Variants in TPP2 observed in about 807,000 individuals in gnomAD.
TPP2 encodes the protein tripeptidyl peptidase 2.
A neutral mutation model predicts 155.9 loss-of-function variants in TPP2; 34 were observed. The ratio of observed to expected loss-of-function variants is 0.22; its 90% CI spans 0.17 to 0.29. The LOEUF (loss-of-function observed/expected upper bound fraction) is 0.29. TPP2 is among the 10% of genes least tolerant of loss of function. The probability of loss-of-function intolerance (pLI) is 1.00; values close to 1 mark genes in which losing one functional copy is unlikely to be tolerated. For missense variants in TPP2, 1,028 were observed against 1,522.3 expected, an observed-to-expected ratio of 0.68 and a Z score of 5.40; for synonymous variants, 510 against 529.4, an observed-to-expected ratio of 0.96 and a Z score of 0.50.
chr13:102,649,600 GA>G, intron 23 of TPP2, 114 bp downstream of exon 23: 2 of 883,554 alleles, frequency 2.3e-6, no homozygotes, highest in South Asian at 2.3e-5. Flanking sequence ...TACTCTTGGG[GA>G]AAAAAATTTA....
chr13:102,622,056 C>T (rs1225691367), intron 5 of TPP2, among the ~76,000 whole-genome samples: 1 of 152,132 alleles, frequency 6.6e-6, no homozygotes, highest in Non-Finnish European at 1.5e-5. Context: ...TTTTAAGAAT[C>T]CTTTTTTCCA....
intron 27 of TPP2, among the ~76,000 whole-genome samples, chr13:102,673,680 C>CAAA (rs1885124656): frequency 6.6e-6 from 1 of 152,234 alleles, no homozygotes; most frequent in African/African-American, 2.4e-5. Context: ...GGATCTGCCA[C>CAAA]TTCCTAACTG....
Position 102,678,326 on chromosome 13 carries a change from CAA to C in TPP2, c.*11_*12del, listed in dbSNP as rs1468331255. 6.2e-7 allele frequency: 1 copy of C among 1,601,652 alleles called. No homozygotes were observed. The highest frequency in any genetic ancestry group is 8.5e-7 in the Non-Finnish European group (1 of 1,176,738). ...TTATTGCGTATTCTAAAATAGGAAA[CAA>C]GACTTTAAATTTTAAAAAAGGAAGT... On this transcript the variant is annotated 3_prime_UTR_variant, in exon 30 of 30. Transcript: ENST00000376052.
At chr13:102,622,307 A>G (rs371423419) in intron 5 of TPP2, among the ~76,000 whole-genome samples, 11 of 152,242 alleles carry the variant, frequency 7.2e-5, no homozygotes, top group Non-Finnish European at 5.9e-5. Flanking sequence ...TAATCAGGCT[A>G]TCTTCTAAAG....
chr13:102,669,023 G>A lies in TPP2; in HGVS notation c.3371+4098G>A, dbSNP rs573269646. Among the ~76,000 whole-genome samples the A allele has an allele frequency of 2.6e-5, 4 of 152,196 alleles. No homozygotes were observed. The East Asian group carries it at 7.7e-4, about 29-fold the overall frequency. On this transcript the variant is annotated intron_variant, in intron 27 of 29. Coordinates refer to ENST00000376052, the MANE Select transcript of TPP2 (RefSeq NM_001330588.2). ...TCGTGCTGGAATCCAAAGAGGACCT[G>A]AGGGGGTGTGAACACAAGCATGTCT...
At chr13:102,660,532 G>T in intron 25 of TPP2, among the ~76,000 whole-genome samples, 1 of 152,254 alleles carries the variant, frequency 6.6e-6, no homozygotes, top group South Asian at 2.1e-4. Flanking sequence ...CTTTGTCTGT[G>T]GACCAGAAGA....
At chr13:102,639,097 T>A (rs1284736723) in intron 15 of TPP2, among the ~76,000 whole-genome samples, 1 of 152,242 alleles carries the variant, frequency 6.6e-6, no homozygotes, top group African/African-American at 2.4e-5. Context: ...TCTTTCTGCT[T>A]CGTGGCACAT....
chr13:102,646,454 A>AT, intron 20 of TPP2, 64 bp downstream of exon 20: 8 of 1,300,330 alleles, frequency 6.2e-6, no homozygotes, highest in Non-Finnish European at 8.6e-6. Context: ...TATGATTCAT[A>AT]GAATCAAAAA....
At position 102,678,588 on chromosome 13, in the gene TPP2, G is replaced by T. The variant is rs1317929919; in HGVS notation, c.*272G>T. 1 of 308,086 alleles carries T rather than the reference G, an allele frequency of 3.2e-6. No homozygotes were observed. The highest frequency in any genetic ancestry group is 2.1e-5 in the African/African-American group (1 of 46,760). The allele number at this position is 308,086 out of a possible 1,614,324, so 19.1% of individuals were successfully genotyped here. A position where few individuals can be genotyped will look rare whatever the true frequency, so the allele number is the denominator to read the frequency against. Reference sequence around the variant, plus strand: ...AGCACCTAGGACTTCGAGTTGGGTTGCAGCTTATGACATGCATGATAGGTT... The same window carrying T: ...AGCACCTAGGACTTCGAGTTGGGTTTCAGCTTATGACATGCATGATAGGTT... On this transcript the variant is annotated 3_prime_UTR_variant, in exon 30 of 30. Transcript: ENST00000376052.
At chr13:102,607,796 G>A (rs1282185371) in intron 2 of TPP2, 2 of 300,254 alleles carry the variant, frequency 6.7e-6, no homozygotes, top group Non-Finnish European at 1.4e-5. Flanking sequence ...TTGCCATGTT[G>A]GCCAGGCTGG....
chr13:102,656,008 G>A (rs1883837992), intron 24 of TPP2, among the ~76,000 whole-genome samples: 2 of 152,048 alleles, frequency 1.3e-5, no homozygotes. Flanking sequence ...TACCTTTAAA[G>A]AAGATCTCAA....
intron 27 of TPP2, among the ~76,000 whole-genome samples, chr13:102,669,748 T>C (rs531115677): frequency 3.9e-5 from 6 of 152,186 alleles, no homozygotes; most frequent in Non-Finnish European, 7.4e-5. Flanking sequence ...TTGATGCGAA[T>C]GGGTGGCTTG....
At chr13:102,668,650 C>T (rs895986952) in intron 27 of TPP2, among the ~76,000 whole-genome samples, 1 of 152,042 alleles carries the variant, frequency 6.6e-6, no homozygotes, top group African/African-American at 2.4e-5. Flanking sequence ...TGGTGTCTGC[C>T]CAGGTAACAG....
chr13:102,645,910 T>C (rs898935562), intron 19 of TPP2, among the ~76,000 whole-genome samples: 1 of 152,204 alleles, frequency 6.6e-6, no homozygotes, highest in African/African-American at 2.4e-5. Context: ...GGGAGGTCTG[T>C]GCTGCACACA....
intron 4 of TPP2, among the ~76,000 whole-genome samples, chr13:102,617,934 C>A (rs1373867922): frequency 6.6e-6 from 1 of 152,132 alleles, no homozygotes; most frequent in Non-Finnish European, 1.5e-5. Context: ...ATTTGTCAAC[C>A]CCTGCTGGAT....
chr13:102,628,835 T>C (rs1881826197), intron 8 of TPP2, among the ~76,000 whole-genome samples: 1 of 152,178 alleles, frequency 6.6e-6, no homozygotes, highest in African/African-American at 2.4e-5. Flanking sequence ...TTCTCTACTT[T>C]AACTTTCATC....
At chr13:102,670,286 A>T (rs1452223066) in intron 27 of TPP2, among the ~76,000 whole-genome samples, 1 of 152,118 alleles carries the variant, frequency 6.6e-6, no homozygotes. Flanking sequence ...GTAATCAGAG[A>T]GTGCTATTTG....
At chr13:102,633,835 A>C in intron 10 of TPP2, 115 bp from the exon 11 acceptor site, 1 of 1,398,356 alleles carries the variant, frequency 7.2e-7, no homozygotes, top group Non-Finnish European at 9.7e-7. Flanking sequence ...ATTTGTAATG[A>C]GTGCAGTTAG....
Position 102,644,637 on chromosome 13 carries a change from C to T in TPP2, c.2256C>T (p.Phe752=), listed in dbSNP as rs765475093. Residue 752 remains phenylalanine (F), a synonymous_variant, in exon 18 of 30, where the codon TTC becomes TTT. Coordinates refer to ENST00000376052, the MANE Select transcript of TPP2 (RefSeq NM_001330588.2). The part of the protein sequence containing the change: ...SDVNIDYTIS[F]HGIVCTAPQL... The stretch of plus-strand genomic sequence containing the variant: ...TCAACATTGATTATACCATTTCTTT[C>T]CATGGGATAGTGTGTACTGCTCCTC... The T allele has an allele frequency of 7.4e-6, 12 of 1,612,638 alleles. No homozygotes were observed. Among genetic ancestry groups the T allele is most frequent in the Non-Finnish European group, 8.5e-6 (10 of 1,179,430 alleles).
Sources: gnomAD v4.1 joint callset for allele counts (sites outside exome capture counted in the v4.1 genomes callset) on GRCh38, gnomAD v4.1.1 for gene constraint, MANE v1.5 for transcripts, NCBI Gene and HGNC (gene_info 2026-07-23, HGNC 2026-07-21) for gene names.